The following TMTC1 variants were observed in gnomAD, a reference collection of about 807,000 sequenced individuals.
The protein encoded by TMTC1 is transmembrane O-mannosyltransferase targeting cadherins 1, also known as protein O-mannosyl-transferase TMTC1.
In TMTC1, 73 loss-of-function variants were observed where a neutral mutation model predicts 104.8. The ratio of observed to expected loss-of-function variants is 0.70; its 90% CI spans 0.58 to 0.85. The LOEUF (loss-of-function observed/expected upper bound fraction) is 0.85. Among genes scored for constraint, TMTC1 ranks in the 40% least tolerant of loss-of-function variants. The pLI is 0.00. For synonymous variants in TMTC1, 434 were observed against 428.7 expected, an observed-to-expected ratio of 1.01 and a Z score of -0.15; for missense variants, 1,035 against 1,096.1, an observed-to-expected ratio of 0.94 and a Z score of 0.79.
At chr12:29,633,117 C>A (rs746304282) in intron 6 of TMTC1, 30 bp downstream of exon 6, 3 of 1,579,994 alleles carry the variant, frequency 1.9e-6, no homozygotes, top group Non-Finnish European at 2.6e-6. Flanking sequence ...TCTTCAAATG[C>A]AGAGTTCATT....
intron 7 of TMTC1, among the ~76,000 whole-genome samples, chr12:29,591,268 C>A (rs1484031888): frequency 6.6e-6 from 1 of 152,176 alleles, no homozygotes; most frequent in African/African-American, 2.4e-5. Context: ...GAGAAACGCA[C>A]TCTTTCCCTC....
At chr12:29,661,158 GGGAGGAACAAA>G in intron 5 of TMTC1, among the ~76,000 whole-genome samples, 1 of 152,178 alleles carries the variant, frequency 6.6e-6, no homozygotes, top group East Asian at 1.9e-4. Flanking sequence ...CAGGAAAGTT[GGGAGGAACAAA>G]TGAGATAATA....
rs140495161 is a variant in TMTC1, at chr12:29,751,676, A to G, written c.928T>C (p.Ser310Pro). 14 of 1,613,950 alleles carry G rather than the reference A, an allele frequency of 8.7e-6. No homozygotes were observed. The highest frequency in any genetic ancestry group is 1.3e-5 in the African/African-American group (1 of 74,874). The change falls in exon 5 of 18, where the codon TCC becomes CCC. Residue 310 changes from serine to proline, a missense_variant. Coordinates refer to ENST00000539277, the MANE Select transcript of TMTC1 (RefSeq NM_001193451.2). ...GFPVSPRAVW[S>P]MMRFLTYSYL... The stretch of plus-strand genomic sequence containing the variant: ...AACCCAGCCCAGTACCTCATCATGG[A>G]CCACACAGCTCGTGGGGACACTGGG...
At chr12:29,527,190 G>C (rs974795510) in intron 11 of TMTC1, among the ~76,000 whole-genome samples, 1 of 152,182 alleles carries the variant, frequency 6.6e-6, no homozygotes, top group Admixed American at 6.5e-5. Context: ...AGCCAAAATG[G>C]TAATTAAAAG....
chr12:29,503,453 G>A lies in TMTC1; in HGVS notation c.*3393C>T, dbSNP rs1318730935. ...AAAATAAGCTGCTAAAGCCATTCTT[G>A]TGGCTTCTACATCAAAGGATACAAA... On this transcript the variant is annotated 3_prime_UTR_variant, in exon 18 of 18. Transcript: ENST00000539277. The A allele has an allele frequency of 6.6e-6, 1 of 152,132 alleles. No individual in the cohort carries two copies. Among genetic ancestry groups the A allele is most frequent in the Non-Finnish European group, 1.5e-5 (1 of 68,026 alleles). The allele number at this position is 152,132 out of a possible 1,614,324, so 9.4% of individuals were successfully genotyped here.
At position 29,505,729 on chromosome 12, in the gene TMTC1, C is replaced by G. The variant is rs1338494136; in HGVS notation, c.*1117G>C. On this transcript the variant is annotated 3_prime_UTR_variant, in exon 18 of 18. Coordinates refer to ENST00000539277, the MANE Select transcript of TMTC1 (RefSeq NM_001193451.2). ...TTAAAATTTGAATTTAGATCTTTAC[C>G]CTAGATTTTTAGAGCATTCTCCATA... 6.6e-6 allele frequency: 1 copy of G among 151,322 alleles called. No individual in the cohort carries two copies. The highest frequency in any genetic ancestry group is 2.4e-5 in the African/African-American group (1 of 41,220). 9.4% of individuals were successfully genotyped at this position (151,322 alleles called of 1,614,324 possible). A position where few individuals can be genotyped will look rare whatever the true frequency, so the allele number is the denominator to read the frequency against.
chr12:29,753,491 G>A (rs561320352), intron 4 of TMTC1, among the ~76,000 whole-genome samples: 1 of 152,358 alleles, frequency 6.6e-6, no homozygotes, highest in Non-Finnish European at 1.5e-5. Context: ...CTGGCTGACT[G>A]TGGGGAGGAT....
intron 10 of TMTC1, among the ~76,000 whole-genome samples, chr12:29,555,865 G>C (rs1945230448): frequency 6.6e-6 from 1 of 152,060 alleles, no homozygotes; most frequent in East Asian, 1.9e-4. Context: ...GGGTCAAATG[G>C]TATTTCTGGT....
intron 8 of TMTC1, among the ~76,000 whole-genome samples, chr12:29,573,168 G>C (rs1462056952): frequency 2.6e-5 from 4 of 152,072 alleles, no homozygotes; most frequent in African/African-American, 9.7e-5. Context: ...GAGTATACAT[G>C]GGGACTCAGA....
intron 5 of TMTC1, among the ~76,000 whole-genome samples, chr12:29,730,586 G>A (rs1942520614): frequency 6.6e-6 from 1 of 152,168 alleles, no homozygotes; most frequent in African/African-American, 2.4e-5. Context: ...AACCATCCCT[G>A]AGAAGGATCA....
chr12:29,718,254 G>A (rs538356505), intron 5 of TMTC1, among the ~76,000 whole-genome samples: 1 of 152,310 alleles, frequency 6.6e-6, no homozygotes, highest in African/African-American at 2.4e-5. Context: ...AAAGTTTCCT[G>A]TTTTTTGTGG....
intron 10 of TMTC1, among the ~76,000 whole-genome samples, chr12:29,537,676 T>C (rs1944682294): frequency 6.6e-6 from 1 of 152,176 alleles, no homozygotes; most frequent in South Asian, 2.1e-4. Context: ...TCTGTATGCA[T>C]GCTGCGATTT....
Position 29,501,823 on chromosome 12 carries a change from A to G in TMTC1, c.*5023T>C, listed in dbSNP as rs1375979188. On this transcript the variant is annotated 3_prime_UTR_variant, in exon 18 of 18. Coordinates refer to ENST00000539277, the MANE Select transcript of TMTC1 (RefSeq NM_001193451.2). ...AAGATCAATTAAAATCAATATTTTAATATCAGCCAATTGATTGTTATAAAG... is the reference window on the plus strand; with the variant it reads ...AAGATCAATTAAAATCAATATTTTAGTATCAGCCAATTGATTGTTATAAAG... The G allele has an allele frequency of 6.6e-6, 1 of 152,160 alleles. No homozygotes were observed. The highest frequency in any genetic ancestry group is 1.5e-5 in the Non-Finnish European group (1 of 68,036). 9.4% of individuals were successfully genotyped at this position (152,160 alleles called of 1,614,324 possible).
At chr12:29,646,754 C>A (rs930136166) in intron 5 of TMTC1, among the ~76,000 whole-genome samples, 1 of 152,130 alleles carries the variant, frequency 6.6e-6, no homozygotes, top group African/African-American at 2.4e-5. Flanking sequence ...AAAGACATAA[C>A]AGGGGCAGCA....
chr12:29,760,675 TC>T (rs1943323033), intron 2 of TMTC1, among the ~76,000 whole-genome samples: 1 of 151,924 alleles, frequency 6.6e-6, no homozygotes, highest in African/African-American at 2.4e-5. Context: ...TGAGAAAACA[TC>T]AAACTCAATA....
At chr12:29,581,337 T>A (rs940294356) in intron 8 of TMTC1, among the ~76,000 whole-genome samples, 8 of 152,332 alleles carry the variant, frequency 5.3e-5, no homozygotes, top group African/African-American at 1.4e-4. Context: ...TCTCAGGACA[T>A]AGATAAATGA....
chr12:29,524,688 T>C (rs1565645006), intron 11 of TMTC1, among the ~76,000 whole-genome samples: 2 of 152,334 alleles, frequency 1.3e-5, no homozygotes, highest in East Asian at 1.9e-4. Context: ...TTTAAACCTA[T>C]GATGTAGGTT....
At chr12:29,603,870 A>G (rs1252482106) in intron 7 of TMTC1, among the ~76,000 whole-genome samples, 2 of 152,234 alleles carry the variant, frequency 1.3e-5, no homozygotes, top group Non-Finnish European at 2.9e-5. Flanking sequence ...ATTCTGTTTA[A>G]TAACACCCAT....
chr12:29,563,430 A>G (rs1167416826), intron 9 of TMTC1, among the ~76,000 whole-genome samples: 1 of 152,084 alleles, frequency 6.6e-6, no homozygotes, highest in African/African-American at 2.4e-5. Context: ...GGGCAGGAAA[A>G]GGATGTTCAT....
Sources: gnomAD v4.1 joint callset for allele counts (sites outside exome capture counted in the v4.1 genomes callset) on GRCh38, gnomAD v4.1.1 for gene constraint, MANE v1.5 for transcripts, NCBI Gene and HGNC (gene_info 2026-07-23, HGNC 2026-07-21) for gene names.